The following GLUD1 variants were observed in gnomAD, a reference collection of about 807,000 sequenced individuals.
GLUD1 encodes the protein glutamate dehydrogenase 1, mitochondrial.
In GLUD1, 22 loss-of-function variants were observed where a neutral mutation model predicts 56.0. The ratio of observed to expected loss-of-function variants is 0.39; its 90% CI spans 0.28 to 0.56. The LOEUF is 0.56. Among genes scored for constraint, GLUD1 ranks in the 20% least tolerant of loss-of-function variants. The pLI, the probability that GLUD1 is intolerant of heterozygous loss-of-function variation, is 0.58. For missense variants in GLUD1, 451 were observed against 732.0 expected, an observed-to-expected ratio of 0.62 and a Z score of 4.43; for synonymous variants, 223 against 269.9, an observed-to-expected ratio of 0.83 and a Z score of 1.70.
intron 1 of GLUD1, among the ~76,000 whole-genome samples, chr10:87,082,469 CACAGGCATTTTCTGTAGGCTATGA>C (rs1311823482): frequency 5.3e-5 from 8 of 152,108 alleles, no homozygotes; most frequent in Admixed American, 3.3e-4. Flanking sequence ...CCTCTCACAC[CACAGGCATTTTCTGTAGGCTATGA>C]ACCAATAAAG....
chr10:87,060,517 T>A, intron 8 of GLUD1, 171 bp downstream of exon 8: 1 of 854,200 alleles, frequency 1.2e-6, no homozygotes, highest in South Asian at 1.4e-5. Flanking sequence ...TCTGTGCCGG[T>A]AGCTAAAAGC....
At chr10:87,088,551 T>C (rs1301785040) in intron 1 of GLUD1, among the ~76,000 whole-genome samples, 1 of 152,182 alleles carries the variant, frequency 6.6e-6, no homozygotes, top group South Asian at 2.1e-4. Context: ...AAAAAAAAAA[T>C]TCATGCAAAA....
chr10:87,056,941 T>TAA (rs1241266944), intron 11 of GLUD1, among the ~76,000 whole-genome samples: 1 of 151,434 alleles, frequency 6.6e-6, no homozygotes, highest in African/African-American at 2.4e-5. Flanking sequence ...CATTTACTGG[T>TAA]AAAGAAGTTT....
intron 4 of GLUD1, among the ~76,000 whole-genome samples, chr10:87,070,794 T>C (rs1846213132): frequency 6.6e-6 from 1 of 152,164 alleles, no homozygotes; most frequent in Non-Finnish European, 1.5e-5. Context: ...TTATGAGTTT[T>C]CTACTCCATA....
chr10:87,076,147 T>C (rs1014171304), intron 2 of GLUD1, 124 bp from the exon 3 acceptor site: 25 of 768,410 alleles, frequency 3.3e-5, no homozygotes, highest in Admixed American at 2.4e-4. Flanking sequence ...ATTCAAGAAA[T>C]AAACCTACCA....
intron 1 of GLUD1, among the ~76,000 whole-genome samples, chr10:87,080,848 G>C (rs1469497299): frequency 1.3e-5 from 2 of 150,050 alleles, no homozygotes; most frequent in Admixed American, 6.6e-5. Context: ...GAGGGAGGTG[G>C]GGGGGTCAGC....
chr10:87,087,438 C>G (rs1023645239), intron 1 of GLUD1, among the ~76,000 whole-genome samples: 7 of 152,158 alleles, frequency 4.6e-5, no homozygotes, highest in African/African-American at 1.7e-4. Flanking sequence ...CTCCAGAGGT[C>G]AAAGGGTGGG....
At chr10:87,067,206 T>A (rs543166216) in intron 5 of GLUD1, among the ~76,000 whole-genome samples, 1 of 152,292 alleles carries the variant, frequency 6.6e-6, no homozygotes, top group Admixed American at 6.5e-5. Context: ...TGGGGCTTGG[T>A]GTTTTTGTCC....
chr10:87,068,122 T>C lies in GLUD1; in HGVS notation c.682A>G (p.Thr228Ala). ...ATCCAGGACATCTCCCGCTCACCTGTGCTCATGTCTGGAGCAGGCACATCA... is the reference window on the plus strand; with the variant it reads ...ATCCAGGACATCTCCCGCTCACCTGCGCTCATGTCTGGAGCAGGCACATCA... ...GIDVPAPDMS[T>A]GEREMSWIAD... is the part of the protein sequence containing the mutation. The change falls in exon 5 of 13, where the codon ACA becomes GCA. Residue 228 changes from threonine (T) to alanine (A), a missense_variant. By Grantham distance (58) the Thr-to-Ala change is moderately conservative. Around this residue, in one of 4 missense-constraint regions of GLUD1, gnomAD observed 248 missense variants for 460.0 expected, o/e 0.54. Coordinates refer to ENST00000277865, the MANE Select transcript of GLUD1 (RefSeq NM_005271.5). 1 of 1,613,568 alleles carries C rather than the reference T, an allele frequency of 6.2e-7. No individual in the cohort carries two copies. Among genetic ancestry groups the C allele is most frequent in the Non-Finnish European group, 8.5e-7 (1 of 1,179,444 alleles).
intron 5 of GLUD1, 29 bp from the exon 6 acceptor site, chr10:87,062,864 A>T: frequency 6.3e-7 from 1 of 1,597,940 alleles, no homozygotes; most frequent in Non-Finnish European, 8.6e-7. Context: ...GAAAGAATGA[A>T]ATGTCAAGTC....
rs748631904 is a variant in GLUD1, at chr10:87,057,666, A to T, written c.1494+25T>A. The T allele has an allele frequency of 5.1e-6, 6 of 1,172,588 alleles. No homozygotes were observed. In the South Asian group the frequency reaches 7.3e-5, roughly 14 times the overall value. 72.6% of individuals were successfully genotyped at this position (1,172,588 alleles called of 1,614,324 possible). A position where few individuals can be genotyped will look rare whatever the true frequency, so the allele number is the denominator to read the frequency against. On this transcript the variant is annotated intron_variant, in intron 11 of 12. Coordinates refer to ENST00000277865, the MANE Select transcript of GLUD1 (RefSeq NM_005271.5). ...AAAGAGCAGGGAGCATGTGTGAAGT[A>T]CAACTGTGGGGTCACCACACTCACC...
At chr10:87,077,717 A>G (rs191101577) in intron 1 of GLUD1, among the ~76,000 whole-genome samples, 1 of 151,782 alleles carries the variant, frequency 6.6e-6, no homozygotes, top group African/African-American at 2.4e-5. Context: ...TTGCTTCTCA[A>G]TCCCAAGGAG....
intron 11 of GLUD1, among the ~76,000 whole-genome samples, chr10:87,056,776 T>G (rs1180633212): frequency 6.6e-6 from 1 of 152,160 alleles, no homozygotes; most frequent in Non-Finnish European, 1.5e-5. Flanking sequence ...AAGGTACAAC[T>G]GTTTCACCAC....
intron 4 of GLUD1, among the ~76,000 whole-genome samples, chr10:87,072,553 TG>T (rs1846267571): frequency 6.6e-6 from 1 of 152,226 alleles, no homozygotes; most frequent in African/African-American, 2.4e-5. Context: ...CAAAGCTTTC[TG>T]GGCCAAGACG....
Position 87,094,624 on chromosome 10 carries a change from G to C in GLUD1, c.146C>G (p.Ala49Gly). 1 of 1,609,886 alleles carries C rather than the reference G, an allele frequency of 6.2e-7. No homozygotes were observed. Among genetic ancestry groups the C allele is most frequent in the Non-Finnish European group, 8.5e-7 (1 of 1,179,300 alleles). Residue 49 changes from alanine to glycine, a missense_variant, in exon 1 of 13, where the codon GCC becomes GGC. Ala to Gly is a moderately conservative substitution (Grantham distance 60). Coordinates refer to ENST00000277865, the MANE Select transcript of GLUD1 (RefSeq NM_005271.5). The surrounding 1 kb of genome is among the most constrained non-coding windows in gnomAD (Gnocchi z 6.6). ...AAPQPGLALA[A>G]RRHYSEAVAD... ...CACCGCCTCGCTGTAGTGGCGCCGGGCGGCCAATGCCAGCCCCGGCTGCGG... is the reference window on the plus strand; with the variant it reads ...CACCGCCTCGCTGTAGTGGCGCCGGCCGGCCAATGCCAGCCCCGGCTGCGG...
chr10:87,061,100 G>A (rs778599798), intron 6 of GLUD1, 48 bp from the exon 7 acceptor site: 2 of 1,513,584 alleles, frequency 1.3e-6, no homozygotes, highest in East Asian at 4.5e-5. Context: ...TCCTGGTATA[G>A]ACAGCAAGAG....
At chr10:87,054,448 G>T (rs529883115) in intron 11 of GLUD1, among the ~76,000 whole-genome samples, 100 of 152,330 alleles carry the variant, frequency 6.6e-4, no homozygotes, top group African/African-American at 2.3e-3. Context: ...AAAACCAGGA[G>T]AATGTGGTAT....
In GLUD1 at chr10:87,083,219, TA is replaced by T. The variant is rs11431413; in HGVS notation, c.446-6564del. Among the ~76,000 whole-genome samples the T allele has an allele frequency of 2.5e-3, 339 of 134,532 alleles. 1 individual carries two copies. The highest frequency in any genetic ancestry group is 3.0e-3 in the African/African-American group (113 of 37,284). 88.3% of individuals were successfully genotyped at this position (134,532 alleles called of 152,430 possible). On this transcript the variant is annotated intron_variant, in intron 1 of 12. Transcript: ENST00000277865. ...CAGTTTGAGACTGTCTCAAAAAAATTAAAAAAAAAAAAAAAAGTAAGAATAT... is the reference window on the plus strand; with the variant it reads ...CAGTTTGAGACTGTCTCAAAAAAATTAAAAAAAAAAAAAAAGTAAGAATAT...
At chr10:87,076,455 T>C (rs1846397197) in intron 2 of GLUD1, 121 bp downstream of exon 2, 2 of 750,764 alleles carry the variant, frequency 2.7e-6, no homozygotes, top group Admixed American at 1.9e-5. Context: ...GTCTTAAAGA[T>C]TACAACTTGA....
Sources: allele counts gnomAD v4.1 joint callset (sites outside exome capture counted in the v4.1 genomes callset), GRCh38; gene constraint gnomAD v4.1.1; regional missense constraint gnomAD v4.1.1; non-coding constraint Gnocchi (gnomAD v3.1); transcripts MANE v1.5; gene names NCBI Gene and HGNC (gene_info 2026-07-23, HGNC 2026-07-21).